CNTNAP2: variants seen among roughly 807,000 people sequenced by gnomAD.
The protein encoded by CNTNAP2 is contactin-associated protein-like 2.
A neutral mutation model predicts 155.2 loss-of-function variants in CNTNAP2; 98 were observed. The observed-to-expected ratio is 0.63, with a 90% CI of 0.54 to 0.75. The LOEUF is 0.75. Among genes scored for constraint, CNTNAP2 ranks in the 30% least tolerant of loss-of-function variants. CNTNAP2 has a pLI of 0.00. For synonymous variants in CNTNAP2, 651 were observed against 631.2 expected, an observed-to-expected ratio of 1.03 and a Z score of -0.47; for missense variants, 1,727 against 1,688.1, an observed-to-expected ratio of 1.02 and a Z score of -0.40.
At chr7:148,248,508 T>C (rs1291891317) in intron 20 of CNTNAP2, among the ~76,000 whole-genome samples, 2 of 152,212 alleles carry the variant, frequency 1.3e-5, no homozygotes, top group Admixed American at 1.3e-4. Context: ...ACTTGTTCTA[T>C]AATTTTAAAC....
chr7:148,408,420 C>T (rs1364734371), intron 22 of CNTNAP2, among the ~76,000 whole-genome samples: 12 of 152,196 alleles, frequency 7.9e-5, no homozygotes, highest in Admixed American at 7.2e-4. Flanking sequence ...CCCGGATAAT[C>T]TTGGAAGTCC....
chr7:147,978,036 A>G (rs773018415), intron 15 of CNTNAP2, 47 bp downstream of exon 15: 1 of 1,611,444 alleles, frequency 6.2e-7, no homozygotes, highest in Admixed American at 1.7e-5. Flanking sequence ...ATCCCATTTA[A>G]ATATTGTTTC....
chr7:147,822,135 G>T (rs1031338179), intron 13 of CNTNAP2, among the ~76,000 whole-genome samples: 3 of 152,050 alleles, frequency 2.0e-5, no homozygotes, highest in African/African-American at 4.8e-5. Context: ...TGGAGTCGTG[G>T]GTAGAGAAGA....
intron 13 of CNTNAP2, among the ~76,000 whole-genome samples, chr7:147,867,163 G>C (rs1799245269): frequency 6.6e-6 from 1 of 152,112 alleles, no homozygotes; most frequent in Non-Finnish European, 1.5e-5. Context: ...AAATCTCTCA[G>C]CATTTGCTTG....
At chr7:146,370,123 A>T (rs932926834) in intron 1 of CNTNAP2, among the ~76,000 whole-genome samples, 5 of 151,884 alleles carry the variant, frequency 3.3e-5, no homozygotes, top group African/African-American at 1.2e-4. Flanking sequence ...TGATTAAAAA[A>T]AAAAAGTTTT....
At chr7:147,018,952 G>T (rs757261264) in intron 3 of CNTNAP2, among the ~76,000 whole-genome samples, 15 of 152,016 alleles carry the variant, frequency 9.9e-5, no homozygotes, top group Admixed American at 5.2e-4. Flanking sequence ...GTGAAGATTA[G>T]CTGCCCAAGA....
At chr7:146,483,315 A>G (rs1240595095) in intron 1 of CNTNAP2, among the ~76,000 whole-genome samples, 4 of 90,278 alleles carry the variant, frequency 4.4e-5, no homozygotes, top group African/African-American at 1.1e-4. Flanking sequence ...ATATATATAT[A>G]TATATATATA....
At chr7:148,076,760 A>G (rs1803495061) in intron 15 of CNTNAP2, among the ~76,000 whole-genome samples, 1 of 151,960 alleles carries the variant, frequency 6.6e-6, no homozygotes, top group Non-Finnish European at 1.5e-5. Flanking sequence ...CTGACTTCTA[A>G]GTCAACTGTG....
chr7:147,399,953 A>T (rs1796884160), intron 10 of CNTNAP2, among the ~76,000 whole-genome samples: 1 of 152,192 alleles, frequency 6.6e-6, no homozygotes, highest in South Asian at 2.1e-4. Context: ...TTTCCAAAAC[A>T]TTCTCTGAGA....
intron 15 of CNTNAP2, among the ~76,000 whole-genome samples, chr7:148,010,520 T>C (rs112932305): frequency 0.066 from 10,023 of 151,330 alleles, 742 homozygotes; most frequent in African/African-American, 0.19. Context: ...TTAAAATACA[T>C]GGAACTCAAT....
intron 3 of CNTNAP2, among the ~76,000 whole-genome samples, chr7:146,858,323 G>C (rs1562975908): frequency 6.6e-6 from 1 of 152,170 alleles, no homozygotes. Flanking sequence ...TTATCTAGTG[G>C]AATGGGCTTG....
intron 1 of CNTNAP2, among the ~76,000 whole-genome samples, chr7:146,302,119 T>C (rs1208615658): frequency 6.6e-6 from 1 of 152,100 alleles, no homozygotes; most frequent in Non-Finnish European, 1.5e-5. Context: ...AATGACATAG[T>C]GATAGGACAA....
intron 8 of CNTNAP2, among the ~76,000 whole-genome samples, chr7:147,233,958 A>G (rs1055094944): frequency 1.3e-5 from 2 of 151,464 alleles, no homozygotes; most frequent in African/African-American, 4.8e-5. Flanking sequence ...AAAATATTCC[A>G]CTTTTAAATA....
At chr7:146,971,123 G>T (rs1797787470) in intron 3 of CNTNAP2, among the ~76,000 whole-genome samples, 1 of 151,676 alleles carries the variant, frequency 6.6e-6, no homozygotes, top group Non-Finnish European at 1.5e-5. Flanking sequence ...CAAGTTAATG[G>T]GTGCAGCACA....
intron 10 of CNTNAP2, among the ~76,000 whole-genome samples, chr7:147,414,941 C>CAAAAAAAAAAAAAAAAAAAAAAAAAA (rs67048724): frequency 2.0e-5 from 1 of 50,978 alleles, no homozygotes; most frequent in Non-Finnish European, 3.8e-5. Context: ...GACTCCTTCT[C>CAAAAAAAAAAAAAAAAAAAAAAAAAA]AAAAAAAAAA....
At chr7:147,069,966 G>A (rs189775827) in intron 4 of CNTNAP2, among the ~76,000 whole-genome samples, 80 of 152,288 alleles carry the variant, frequency 5.3e-4, no homozygotes, top group African/African-American at 1.8e-3. Context: ...ACAGCATAGA[G>A]GAATAATCTA....
chr7:146,267,151 A>G (rs1800008351), intron 1 of CNTNAP2, among the ~76,000 whole-genome samples: 1 of 152,180 alleles, frequency 6.6e-6, no homozygotes, highest in East Asian at 1.9e-4. Flanking sequence ...GGATTTTCTC[A>G]GCTGTAAATG....
chr7:146,774,325 C>G lies in CNTNAP2; in HGVS notation c.152C>G (p.Ser51Cys), dbSNP rs183378415. 4 of 1,614,002 alleles carry G rather than the reference C, an allele frequency of 2.5e-6. No homozygotes were observed. Among genetic ancestry groups the G allele is most frequent in the East Asian group, 4.5e-5 (2 of 44,868 alleles). Residue 51 changes from serine to cysteine, a missense_variant, in exon 2 of 24, where the codon TCC becomes TGC. Coordinates refer to ENST00000361727, the MANE Select transcript of CNTNAP2 (RefSeq NM_014141.6). ...CTCCCCCATGTGGCTTTCAGCAGCTCCTCCTCCATCTCTGGTAGCTATTCT... is the reference window on the plus strand; with the variant it reads ...CTCCCCCATGTGGCTTTCAGCAGCTGCTCCTCCATCTCTGGTAGCTATTCT... The part of the protein sequence containing the change: ...SGLPHVAFSS[S>C]SSISGSYSPG...
At chr7:146,412,417 A>C (rs28729195) in intron 1 of CNTNAP2, among the ~76,000 whole-genome samples, 4,389 of 152,310 alleles carry the variant, frequency 0.029, 199 homozygotes, top group African/African-American at 0.1. Flanking sequence ...GAAGAGTCTC[A>C]GGGAAAGAAA....
Sources: allele counts gnomAD v4.1 joint callset (sites outside exome capture counted in the v4.1 genomes callset), GRCh38; gene constraint gnomAD v4.1.1; transcripts MANE v1.5; gene names NCBI Gene and HGNC (gene_info 2026-07-23, HGNC 2026-07-21).